Variants in NCOA2 observed in about 807,000 individuals in gnomAD.
The protein encoded by NCOA2 is nuclear receptor coactivator 2, also known as class E basic helix-loop-helix protein 75.
A neutral mutation model predicts 145.1 loss-of-function variants in NCOA2; 21 were observed. The ratio of observed to expected loss-of-function variants is 0.14; its 90% CI spans 0.10 to 0.21. NCOA2 has a LOEUF of 0.21. Ranked by LOEUF, NCOA2 falls within the 10% of genes least tolerant of loss-of-function variation. NCOA2 has a pLI of 1.00. For synonymous variants in NCOA2, 619 were observed against 637.5 expected, an observed-to-expected ratio of 0.97 and a Z score of 0.44; for missense variants, 1,472 against 1,837.6, an observed-to-expected ratio of 0.80 and a Z score of 3.64.
chr8:70,372,569 C>A (rs529729543), intron 1 of NCOA2, among the ~76,000 whole-genome samples: 99 of 152,258 alleles, frequency 6.5e-4, no homozygotes, highest in African/African-American at 2.2e-3. Flanking sequence ...AGGGGAACAG[C>A]AGAATTCATA....
chr8:70,144,896 A>G (rs767503941), intron 12 of NCOA2, 48 bp from the exon 13 acceptor site: 1 of 1,503,272 alleles, frequency 6.7e-7, no homozygotes, highest in East Asian at 2.3e-5. Context: ...GGATAATGGA[A>G]AATAATATTA....
chr8:70,128,408 G>C (rs1433043769), intron 18 of NCOA2, 25 bp downstream of exon 18: 5 of 1,595,618 alleles, frequency 3.1e-6, no homozygotes, highest in Non-Finnish European at 4.3e-6. Context: ...TACAATGAAA[G>C]CTAATGGCTG....
At chr8:70,445,204 G>C in the NCOA2 span, among the ~76,000 whole-genome samples, 1 of 152,128 alleles carries the variant, frequency 6.6e-6, no homozygotes, top group South Asian at 2.1e-4. Flanking sequence ...GGGGAAAAAA[G>C]CTCAAAACCT....
intron 1 of NCOA2, among the ~76,000 whole-genome samples, chr8:70,301,655 C>CAAAAAAAAAAA (rs71275063): frequency 1.2e-4 from 7 of 60,164 alleles, no homozygotes; most frequent in South Asian, 8.2e-4. Flanking sequence ...GACCCTTTCT[C>CAAAAAAAAAAA]AAAAAAAAAA....
At chr8:70,404,670 T>G (rs558583178), upstream of NCOA2, among the ~76,000 whole-genome samples, 30 of 152,340 alleles carry the variant, frequency 2.0e-4, no homozygotes, top group African/African-American at 7.0e-4. Context: ...AGTGTGAAAC[T>G]TAACCTGGTT....
At chr8:70,413,973 G>C in the NCOA2 span, among the ~76,000 whole-genome samples, 1 of 151,888 alleles carries the variant, frequency 6.6e-6, no homozygotes, top group African/African-American at 2.4e-5. Flanking sequence ...CCGAGTGGTA[G>C]GTATGTGAAT....
intron 15 of NCOA2, 34 bp from the exon 16 acceptor site, chr8:70,132,036 G>C: frequency 6.3e-7 from 1 of 1,593,126 alleles, no homozygotes; most frequent in Non-Finnish European, 8.5e-7. Flanking sequence ...TGGGCCAATG[G>C]AAAAGCTAGT....
intron 1 of NCOA2, among the ~76,000 whole-genome samples, chr8:70,383,795 G>T (rs1406208631): frequency 6.6e-6 from 1 of 152,126 alleles, no homozygotes; most frequent in African/African-American, 2.4e-5. Context: ...GTGAGCCACC[G>T]TGCCTGGCCT....
At chr8:70,215,410 T>A (rs1819507888) in intron 3 of NCOA2, among the ~76,000 whole-genome samples, 1 of 152,196 alleles carries the variant, frequency 6.6e-6, no homozygotes, top group Non-Finnish European at 1.5e-5. Context: ...GTAGGGCTCC[T>A]GACTATTAAA....
intron 2 of NCOA2, among the ~76,000 whole-genome samples, chr8:70,264,637 G>T (rs1824412997): frequency 6.6e-6 from 1 of 152,152 alleles, no homozygotes; most frequent in Non-Finnish European, 1.5e-5. Context: ...ACCCTCATAG[G>T]TAATACTCTA....
intron 11 of NCOA2, among the ~76,000 whole-genome samples, chr8:70,152,203 A>G (rs1323518643): frequency 6.6e-6 from 1 of 152,232 alleles, no homozygotes; most frequent in Non-Finnish European, 1.5e-5. Flanking sequence ...AGATTTTTAT[A>G]AAAGTTCTAC....
intron 4 of NCOA2, among the ~76,000 whole-genome samples, chr8:70,192,841 G>A (rs1333609803): frequency 6.6e-6 from 1 of 151,956 alleles, no homozygotes; most frequent in Non-Finnish European, 1.5e-5. Context: ...GGCGGAGGCG[G>A]GCAGATCACG....
At chr8:70,219,492 T>C (rs893444902) in intron 2 of NCOA2, among the ~76,000 whole-genome samples, 4 of 151,998 alleles carry the variant, frequency 2.6e-5, no homozygotes, top group Admixed American at 1.3e-4. Flanking sequence ...AAGGGGAAAG[T>C]GGGGTGGAGT....
chr8:70,282,825 T>C (rs1455577579), intron 2 of NCOA2, among the ~76,000 whole-genome samples: 1 of 152,158 alleles, frequency 6.6e-6, no homozygotes, highest in Non-Finnish European at 1.5e-5. Context: ...TGGTGTAATA[T>C]TAAACCCAAG....
intron 7 of NCOA2, among the ~76,000 whole-genome samples, chr8:70,164,412 T>G (rs1250178192): frequency 6.6e-6 from 1 of 152,238 alleles, no homozygotes; most frequent in Non-Finnish European, 1.5e-5. Flanking sequence ...CACTGATTTC[T>G]GATTGTTTAC....
chr8:70,403,105 A>C (rs1814512846), intron 1 of NCOA2, among the ~76,000 whole-genome samples: 2 of 146,610 alleles, frequency 1.4e-5, no homozygotes, highest in Non-Finnish European at 1.5e-5. Context: ...CACCCCCAGC[A>C]CTTCCCGAGT....
Position 70,162,825 on chromosome 8 carries a change from T to C in NCOA2, c.862A>G (p.Met288Val). The change falls in exon 9 of 23, where the codon ATG becomes GTG. Residue 288 changes from methionine (M) to valine (V), a missense_variant. By Grantham distance (21) the Met-to-Val change is conservative (BLOSUM62 1). Around this residue, in one of 4 missense-constraint regions of NCOA2, gnomAD observed 284 missense variants for 467.8 expected, o/e 0.61. Transcript: ENST00000452400. Reference protein sequence around the residue: ...GKITSLDTSTMRAAMKPGWED... With the variant: ...GKITSLDTSTVRAAMKPGWED... The stretch of plus-strand genomic sequence containing the variant: ...CAGCCTGGTTTCATGGCTGCTCTCA[T>C]GGTGCTGGTATCCAGAGACGTGATC... 1 of 1,613,902 alleles carries C rather than the reference T, an allele frequency of 6.2e-7. No individual in the cohort carries two copies. The highest frequency in any genetic ancestry group is 8.5e-7 in the Non-Finnish European group (1 of 1,179,848).
intron 19 of NCOA2, 181 bp downstream of exon 19, chr8:70,126,632 T>C (rs1289037371): frequency 1.5e-5 from 9 of 616,182 alleles, no homozygotes; most frequent in Non-Finnish European, 2.6e-5. Context: ...GAAGGTACTG[T>C]GCTGGACTTG....
chr8:70,348,716 G>A (rs1808896823), intron 1 of NCOA2, among the ~76,000 whole-genome samples: 1 of 152,140 alleles, frequency 6.6e-6, no homozygotes, highest in African/African-American at 2.4e-5. Context: ...TGGGTGAGTG[G>A]CAGTGCCAAT....
Sources: allele counts gnomAD v4.1 joint callset (sites outside exome capture counted in the v4.1 genomes callset), GRCh38; gene constraint gnomAD v4.1.1; regional missense constraint gnomAD v4.1.1; transcripts MANE v1.5; gene names NCBI Gene and HGNC (gene_info 2026-07-23, HGNC 2026-07-21).